The following SCARA3 variants were observed in gnomAD, a reference collection of about 807,000 sequenced individuals.
SCARA3 encodes scavenger receptor class A member 3.
In SCARA3, 39 loss-of-function variants were observed where a neutral mutation model predicts 47.0. That is an observed-to-expected ratio of 0.83 (90% CI 0.64 to 1.08). The LOEUF (loss-of-function observed/expected upper bound fraction) is 1.08. Ranked by LOEUF, SCARA3 falls within the 50% of genes least tolerant of loss-of-function variation. SCARA3 has a pLI of 0.00. For missense variants in SCARA3, 724 were observed against 792.3 expected, an observed-to-expected ratio of 0.91 and a Z score of 1.04; for synonymous variants, 356 against 334.1, an observed-to-expected ratio of 1.07 and a Z score of -0.71.
intron 5 of SCARA3, among the ~76,000 whole-genome samples, chr8:27,669,165 C>T (rs1413981043): frequency 6.6e-6 from 1 of 152,102 alleles, no homozygotes; most frequent in Non-Finnish European, 1.5e-5. Context: ...GAATGCCCAC[C>T]CAGACAGGGA....
intron 4 of SCARA3, among the ~76,000 whole-genome samples, chr8:27,657,540 C>CTTTTT (rs10548067): frequency 1.1e-5 from 1 of 94,498 alleles, no homozygotes; most frequent in African/African-American, 4.8e-5. Flanking sequence ...TGTATTCAAC[C>CTTTTT]TTTTTTTTTT....
chr8:27,713,718 C>A, the SCARA3 span, among the ~76,000 whole-genome samples: 1 of 152,194 alleles, frequency 6.6e-6, no homozygotes, highest in Non-Finnish European at 1.5e-5. Flanking sequence ...ATTCCAGGCT[C>A]ATCTTGTACT....
At chr8:27,644,586 T>C (rs1801452166) in intron 1 of SCARA3, among the ~76,000 whole-genome samples, 1 of 151,014 alleles carries the variant, frequency 6.6e-6, no homozygotes, top group Non-Finnish European at 1.5e-5. Flanking sequence ...CAAAATAACC[T>C]TGCTCCTGGA....
Position 27,659,056 on chromosome 8 carries a change from A to G in SCARA3, c.886A>G (p.Ser296Gly). Residue 296 changes from serine (S) to glycine (G), a missense_variant, in exon 5 of 6, where the codon AGC becomes GGC. Transcript: ENST00000301904. Reference sequence around the variant, plus strand: ...ACAGCGCATCAGCCAGAACTCAGAGAGCATGCACGACCTGGTACTCCAGGT... The same window carrying G: ...ACAGCGCATCAGCCAGAACTCAGAGGGCATGCACGACCTGGTACTCCAGGT... ...SSQRISQNSE[S>G]MHDLVLQVMG... 1 of 1,614,022 alleles carries G rather than the reference A, an allele frequency of 6.2e-7. No homozygotes were observed. The highest frequency in any genetic ancestry group is 8.5e-7 in the Non-Finnish European group (1 of 1,179,990).
intron 3 of SCARA3, among the ~76,000 whole-genome samples, chr8:27,652,518 C>T (rs977191469): frequency 6.6e-6 from 1 of 152,212 alleles, no homozygotes; most frequent in South Asian, 2.1e-4. Flanking sequence ...GCCCCCTGCT[C>T]TCATGCAGAC....
the SCARA3 span, among the ~76,000 whole-genome samples, chr8:27,692,811 C>T: frequency 6.6e-6 from 1 of 152,060 alleles, no homozygotes; most frequent in Non-Finnish European, 1.5e-5. Context: ...TAGATAATAA[C>T]TTAACTCTTT....
chr8:27,673,463 G>A (rs529411061), downstream of SCARA3, among the ~76,000 whole-genome samples: 1 of 152,398 alleles, frequency 6.6e-6, no homozygotes, highest in South Asian at 2.1e-4. Context: ...CGGATCCTCT[G>A]TGAGTCGGCA....
At chr8:27,641,293 C>A (rs764418349) in intron 1 of SCARA3, among the ~76,000 whole-genome samples, 12 of 152,240 alleles carry the variant, frequency 7.9e-5, no homozygotes, top group Non-Finnish European at 1.8e-4. Context: ...ATCCCTCCCC[C>A]AGACTGGGTT....
the SCARA3 span, among the ~76,000 whole-genome samples, chr8:27,708,231 T>C: frequency 0.079 from 12,095 of 152,152 alleles, 791 homozygotes; most frequent in African/African-American, 0.17. Context: ...ACATAAATGA[T>C]ATGATAGGTT....
the SCARA3 span, among the ~76,000 whole-genome samples, chr8:27,716,392 G>A: frequency 3.3e-5 from 5 of 152,066 alleles, no homozygotes; most frequent in South Asian, 1.0e-3. Context: ...GGCAGGGGAA[G>A]TACAAGATGA....
At chr8:27,700,897 T>C in the SCARA3 span, among the ~76,000 whole-genome samples, 2 of 152,216 alleles carry the variant, frequency 1.3e-5, no homozygotes, top group African/African-American at 4.8e-5. Flanking sequence ...TCTGAACACA[T>C]ACTTAACCTA....
rs1036708 is a variant in SCARA3, at chr8:27,672,122, T to C, written c.*771T>C. The C allele has an allele frequency of 3.0e-6, 3 of 985,258 alleles. No homozygotes were observed. Among genetic ancestry groups the C allele is most frequent in the Non-Finnish European group, 3.6e-6 (3 of 829,934 alleles). The allele number at this position is 985,258 out of a possible 1,614,324, so 61.0% of individuals were successfully genotyped here. On this transcript the variant is annotated 3_prime_UTR_variant, in exon 6 of 6. Transcript: ENST00000301904. ...CCTCCCCATAAGCAGGGGACCAGCATACCCGGGAGCTGTCCCTGTCTGTCA... is the reference window on the plus strand; with the variant it reads ...CCTCCCCATAAGCAGGGGACCAGCACACCCGGGAGCTGTCCCTGTCTGTCA...
At chr8:27,722,949 C>G in the SCARA3 span, among the ~76,000 whole-genome samples, 1 of 152,150 alleles carries the variant, frequency 6.6e-6, no homozygotes, top group African/African-American at 2.4e-5. Flanking sequence ...ACCCATCTCT[C>G]CCTCCCACCA....
In SCARA3 at chr8:27,634,355, G is replaced by A. The variant is rs761917961; in HGVS notation, c.7+148G>A. 1.0e-5 allele frequency: 6 copies of A among 600,290 alleles called. No homozygotes were observed. In the South Asian group the frequency reaches 3.6e-4, roughly 36 times the overall value. 37.2% of individuals were successfully genotyped at this position (600,290 alleles called of 1,614,324 possible). A position where few individuals can be genotyped will look rare whatever the true frequency, so the allele number is the denominator to read the frequency against. On this transcript the variant is annotated intron_variant, in intron 1 of 5. Coordinates refer to ENST00000301904, the MANE Select transcript of SCARA3 (RefSeq NM_016240.3). The stretch of plus-strand genomic sequence containing the variant: ...TCCCCTGCCTTTTTGGGCATCCTGC[G>A]AGACAGGACGGATCCCTGAAGACCA...
In SCARA3 at chr8:27,671,193, C is replaced by CCAGGGCCCT; in HGVS notation, c.1671_1679dup (p.Ser558_Pro560dup). On this transcript the variant is annotated inframe_insertion, in exon 6 of 6. Transcript: ENST00000301904. ...AGGGCCAGAAGGGCCCCCGGGGTCT[C>CCAGGGCCCT]CAGGGCCCTCAGGGCCTCAGGGAAA... is the stretch of plus-strand genomic sequence containing the variant. 2 of 1,512,416 alleles carry CCAGGGCCCT rather than the reference C, an allele frequency of 1.3e-6. No individual in the cohort carries two copies. Among genetic ancestry groups the CCAGGGCCCT allele is most frequent in the Non-Finnish European group, 1.8e-6 (2 of 1,135,834 alleles). 93.7% of individuals were successfully genotyped at this position (1,512,416 alleles called of 1,614,324 possible).
chr8:27,715,098 T>A, the SCARA3 span, among the ~76,000 whole-genome samples: 1 of 152,054 alleles, frequency 6.6e-6, no homozygotes, highest in Non-Finnish European at 1.5e-5. This position sits in a 1 kb window ranked among gnomAD's most constrained non-coding sequence, Gnocchi z 4.2. Context: ...TTTTTTGTTT[T>A]TATTTTTTGT....
intron 5 of SCARA3, among the ~76,000 whole-genome samples, chr8:27,660,175 G>T (rs1360708636): frequency 6.6e-6 from 1 of 151,404 alleles, no homozygotes; most frequent in African/African-American, 2.4e-5. Context: ...TATTTATCAG[G>T]GTTCTCCAGA....
At chr8:27,681,529 G>A (rs879737527), downstream of SCARA3, among the ~76,000 whole-genome samples, 1 of 152,086 alleles carries the variant, frequency 6.6e-6, no homozygotes, top group Non-Finnish European at 1.5e-5. Flanking sequence ...TTTACAACCT[G>A]CCTGGGCAAC....
At chr8:27,676,550 T>C, downstream of SCARA3, 2 of 1,611,084 alleles carry the variant, frequency 1.2e-6, no homozygotes, top group Non-Finnish European at 1.7e-6. Context: ...AACATCTCAA[T>C]GTGTTTCATC....
Sources: gnomAD v4.1 joint callset for allele counts (sites outside exome capture counted in the v4.1 genomes callset) on GRCh38, gnomAD v4.1.1 for gene constraint, Gnocchi (gnomAD v3.1) non-coding constraint, MANE v1.5 for transcripts, NCBI Gene and HGNC (gene_info 2026-07-23, HGNC 2026-07-21) for gene names.